RBFOX3: variants seen among roughly 807,000 people sequenced by gnomAD.
RBFOX3 encodes RNA binding protein fox-1 homolog 3.
In RBFOX3, 17 loss-of-function variants were observed where a neutral mutation model predicts 48.7. The ratio of observed to expected loss-of-function variants is 0.35; its 90% CI spans 0.24 to 0.52. The LOEUF is 0.52. Ranked by LOEUF, RBFOX3 falls within the 20% of genes least tolerant of loss-of-function variation. RBFOX3 has a pLI of 0.94. For missense variants in RBFOX3, 382 were observed against 497.5 expected (o/e 0.77, Z 2.21); for synonymous variants, 212 against 209.5 (o/e 1.01, Z -0.10).
At position 79,451,853 on chromosome 17, in the gene RBFOX3, C is replaced by T. The variant is rs536349799; in HGVS notation, c.-175+30601G>A. ...TCGTACGTTAGGTGGGGCCTAGTGC[C>T]CAAGGGATCATACGTGCTTCACGTC... On this transcript the variant is annotated intron_variant, in intron 2 of 14. Transcript: ENST00000693108. Among the ~76,000 whole-genome samples the T allele has an allele frequency of 9.6e-4, 146 of 152,328 alleles. 1 individual carries two copies. Among genetic ancestry groups the T allele is most frequent in the African/African-American group, 3.4e-3 (143 of 41,572 alleles).
intron 2 of RBFOX3, among the ~76,000 whole-genome samples, chr17:79,450,845 C>G (rs1410069065): frequency 6.6e-6 from 1 of 152,148 alleles, no homozygotes; most frequent in African/African-American, 2.4e-5. Context: ...AATGATAAGA[C>G]TAGTCCCAAA....
rs553254297 is a variant in RBFOX3 at position 79,443,461 on chromosome 17, A to G, written c.-175+38993T>C. Among the ~76,000 whole-genome samples, 5 of 151,416 alleles carry G rather than the reference A, an allele frequency of 3.3e-5. No homozygotes were observed. In the South Asian group the frequency reaches 8.4e-4, roughly 25 times the overall value. On this transcript the variant is annotated intron_variant, in intron 2 of 14. Coordinates refer to ENST00000693108, the MANE Select transcript of RBFOX3 (RefSeq NM_001350451.2). This position sits in a 1 kb window ranked among gnomAD's most constrained non-coding sequence, Gnocchi z 4.4. Reference sequence around the variant, plus strand: ...CAGTGGCTCGATCTCGGCTCGCTGCAACCTCTGCCTCCCAGGTTCCAGTGA... The same window carrying G: ...CAGTGGCTCGATCTCGGCTCGCTGCGACCTCTGCCTCCCAGGTTCCAGTGA...
chr17:79,453,534 G>A (rs1196196223), intron 2 of RBFOX3, among the ~76,000 whole-genome samples: 3 of 152,214 alleles, frequency 2.0e-5, no homozygotes, highest in Admixed American at 6.5e-5. Flanking sequence ...GATAACAGAG[G>A]GGACTGGCAG....
At chr17:79,277,303 A>AAG (rs2069114697) in intron 3 of RBFOX3, among the ~76,000 whole-genome samples, 1 of 76,696 alleles carries the variant, frequency 1.3e-5, no homozygotes, top group African/African-American at 5.4e-5. Context: ...AATGGTGGGG[A>AAG]GGGGGGGGGT....
chr17:79,138,024 C>T (rs564483775), intron 4 of RBFOX3, among the ~76,000 whole-genome samples: 1 of 152,198 alleles, frequency 6.6e-6, no homozygotes, highest in African/African-American at 2.4e-5. Flanking sequence ...GGCAGCCCGC[C>T]CCCGCCAAGC....
At chr17:79,381,193 G>A (rs1218985043) in intron 2 of RBFOX3, among the ~76,000 whole-genome samples, 2 of 151,976 alleles carry the variant, frequency 1.3e-5, no homozygotes, top group Non-Finnish European at 2.9e-5. Context: ...CTGGGAGGCG[G>A]AGGTTGCAAT....
chr17:79,328,833 G>A (rs771963012), intron 2 of RBFOX3, among the ~76,000 whole-genome samples: 47 of 152,200 alleles, frequency 3.1e-4, no homozygotes, highest in Non-Finnish European at 1.8e-4. Context: ...ACCAAGCAGC[G>A]CAGGGTTAGC....
At chr17:79,634,357 C>A in the RBFOX3 span, among the ~76,000 whole-genome samples, 2 of 152,218 alleles carry the variant, frequency 1.3e-5, no homozygotes, top group Non-Finnish European at 2.9e-5. Context: ...CCACCCACAC[C>A]CTCTATTCCA....
intron 2 of RBFOX3, among the ~76,000 whole-genome samples, chr17:79,455,347 C>T (rs2074295488): frequency 6.6e-6 from 1 of 152,136 alleles, no homozygotes; most frequent in South Asian, 2.1e-4. Flanking sequence ...CAGGAAGAAA[C>T]CGCACCACGC....
chr17:79,298,117 G>A (rs535331072), intron 3 of RBFOX3: 1 of 152,356 alleles, frequency 6.6e-6, no homozygotes, highest in South Asian at 2.1e-4. Flanking sequence ...AGGAGCACTG[G>A]AGATGTCTTC....
In RBFOX3 at chr17:79,357,400, G is replaced by A. The variant is rs188326120; in HGVS notation, c.-174-49576C>T. ...CCCAGTACTTTGGGAGGCCAAGGCA[G>A]GTGAATCACCTGAGGTCAGGAGCTT... On this transcript the variant is annotated intron_variant, in intron 2 of 14. Coordinates refer to ENST00000693108, the MANE Select transcript of RBFOX3 (RefSeq NM_001350451.2). 9.8e-3 allele frequency among the ~76,000 whole-genome samples: 1,494 copies of A among 152,348 alleles called. 34 individuals carry two copies. The highest frequency in any genetic ancestry group is 0.034 in the African/African-American group (1,418 of 41,568).
At chr17:79,154,702 C>T (rs1258136373) in intron 4 of RBFOX3, among the ~76,000 whole-genome samples, 1 of 152,236 alleles carries the variant, frequency 6.6e-6, no homozygotes, top group East Asian at 1.9e-4. Context: ...ATCAGCCGCA[C>T]CAAAGACCTC....
At chr17:79,609,393 C>T (rs35122150) in intron 1 of RBFOX3, among the ~76,000 whole-genome samples, 4,720 of 152,238 alleles carry the variant, frequency 0.031, 453 homozygotes, top group East Asian at 0.28. Context: ...CGAGAAGCGA[C>T]TTCACCACCA....
At chr17:79,662,658 C>T in the RBFOX3 span, among the ~76,000 whole-genome samples, 5 of 152,100 alleles carry the variant, frequency 3.3e-5, no homozygotes, top group African/African-American at 7.2e-5. Flanking sequence ...AACACGCAGT[C>T]GGGGTTAAGA....
intron 1 of RBFOX3, among the ~76,000 whole-genome samples, chr17:79,550,389 G>C (rs2091018331): frequency 6.6e-6 from 1 of 152,166 alleles, no homozygotes; most frequent in East Asian, 1.9e-4. Context: ...TACAGTAAAA[G>C]GGGGCCCAGA....
chr17:79,530,201 G>A (rs1478286639), intron 1 of RBFOX3, among the ~76,000 whole-genome samples: 2 of 152,206 alleles, frequency 1.3e-5, no homozygotes, highest in Non-Finnish European at 1.5e-5. Flanking sequence ...CTCCAGCTGT[G>A]CACCACGGAG....
chr17:79,374,835 A>G (rs1253987475), intron 2 of RBFOX3, among the ~76,000 whole-genome samples: 1 of 152,240 alleles, frequency 6.6e-6, no homozygotes, highest in Non-Finnish European at 1.5e-5. Flanking sequence ...CAGTGCATTT[A>G]AAATATGATT....
upstream of RBFOX3, among the ~76,000 whole-genome samples, chr17:79,611,183 T>TTCTCTCTCTCTCTCTCTCTC (rs1196349028): frequency 4.3e-3 from 177 of 41,484 alleles, 22 homozygotes; most frequent in African/African-American, 0.039. Flanking sequence ...TCCGCCCTCC[T>TTCTCTCTCTCTCTCTCTCTC]TCTCTCTCTC....
At chr17:79,320,373 C>A (rs1457539134) in intron 2 of RBFOX3, among the ~76,000 whole-genome samples, 4 of 152,228 alleles carry the variant, frequency 2.6e-5, no homozygotes, top group Admixed American at 2.6e-4. Flanking sequence ...GATCTGAACA[C>A]CTTGGCCATG....
Sources: allele counts gnomAD v4.1 joint callset (sites outside exome capture counted in the v4.1 genomes callset), GRCh38; gene constraint gnomAD v4.1.1; non-coding constraint Gnocchi (gnomAD v3.1); transcripts MANE v1.5; gene names NCBI Gene and HGNC (gene_info 2026-07-23, HGNC 2026-07-21).